Variants in COL22A1 observed in about 807,000 individuals in gnomAD.
COL22A1 encodes collagen alpha-1(XXII) chain.
A neutral mutation model predicts 248.9 loss-of-function variants in COL22A1; 221 were observed. The ratio of observed to expected loss-of-function variants is 0.89; its 90% CI spans 0.80 to 0.99. The LOEUF is 0.99. Ranked by LOEUF, COL22A1 falls within the 50% of genes least tolerant of loss-of-function variation. COL22A1 has a pLI of 0.00. For missense variants in COL22A1, 2,240 were observed against 2,179.0 expected (o/e 1.03, Z -0.56); for synonymous variants, 891 against 793.4 (o/e 1.12, Z -2.07).
intron 23 of COL22A1, among the ~76,000 whole-genome samples, chr8:138,735,145 G>A (rs1831010310): frequency 6.6e-6 from 1 of 152,166 alleles, no homozygotes; most frequent in South Asian, 2.1e-4. Flanking sequence ...TAACAAACCT[G>A]CACGTTCTGC....
chr8:138,797,000 C>G (rs1455293512), intron 11 of COL22A1, 143 bp from the exon 12 acceptor site: 3 of 695,916 alleles, frequency 4.3e-6, no homozygotes, highest in Non-Finnish European at 7.9e-6. Flanking sequence ...GAAATGGTGA[C>G]TATTGTTAAC....
intron 16 of COL22A1, among the ~76,000 whole-genome samples, chr8:138,771,557 C>T (rs1414744660): frequency 6.6e-6 from 1 of 152,202 alleles, no homozygotes; most frequent in African/African-American, 2.4e-5. Flanking sequence ...TAAAGCAAGA[C>T]TCCAAAAGCT....
At chr8:138,714,666 C>T (rs1829294630) in intron 30 of COL22A1, among the ~76,000 whole-genome samples, 1 of 152,204 alleles carries the variant, frequency 6.6e-6, no homozygotes, top group Non-Finnish European at 1.5e-5. Context: ...TTCTCTTCCA[C>T]TGTCCATTTT....
At chr8:138,811,670 G>A (rs1303509292) in intron 9 of COL22A1, 129 bp downstream of exon 9, 3 of 1,033,008 alleles carry the variant, frequency 2.9e-6, no homozygotes, top group African/African-American at 3.1e-5. Context: ...GCACAACACA[G>A]GGTGCTGTCA....
chr8:138,836,550 A>G (rs926280903), intron 4 of COL22A1, among the ~76,000 whole-genome samples: 2 of 152,018 alleles, frequency 1.3e-5, no homozygotes, highest in Admixed American at 1.3e-4. Context: ...GAACATGATC[A>G]CTCCTCTAAA....
In COL22A1 at chr8:138,683,292, T is replaced by C. The variant is rs375164707; in HGVS notation, c.3012+1133A>G. 6.2e-4 allele frequency among the ~76,000 whole-genome samples: 95 copies of C among 152,314 alleles called. 1 individual carries two copies. In the South Asian group the frequency reaches 0.015, roughly 23 times the overall value. ...TGCAGTATATAAAGTAATGAATGCATTGGTAATTGATTGGTAATTGATGCG... is the reference window on the plus strand; with the variant it reads ...TGCAGTATATAAAGTAATGAATGCACTGGTAATTGATTGGTAATTGATGCG... On this transcript the variant is annotated intron_variant, in intron 39 of 64. Coordinates refer to ENST00000303045, the MANE Select transcript of COL22A1 (RefSeq NM_152888.3).
intron 45 of COL22A1, among the ~76,000 whole-genome samples, chr8:138,650,440 A>G (rs997999219): frequency 8.5e-5 from 13 of 152,160 alleles, no homozygotes; most frequent in South Asian, 6.2e-4. Context: ...AAGTCCTCTG[A>G]GCCCAGAGCA....
At chr8:138,636,847 A>T in intron 47 of COL22A1, 52 bp from the exon 48 acceptor site, 1 of 1,443,990 alleles carries the variant, frequency 6.9e-7, no homozygotes, top group Non-Finnish European at 9.7e-7. Context: ...TTTAATAGGA[A>T]AACAAAAATC....
intron 42 of COL22A1, 149 bp from the exon 43 acceptor site, chr8:138,662,232 A>C: frequency 3.2e-6 from 2 of 629,892 alleles, no homozygotes; most frequent in Non-Finnish European, 5.6e-6. Context: ...CACCCTGCTC[A>C]GAGCTTACTC....
At chr8:138,866,979 C>T (rs1248801109) in intron 3 of COL22A1, among the ~76,000 whole-genome samples, 1 of 152,178 alleles carries the variant, frequency 6.6e-6, no homozygotes, top group African/African-American at 2.4e-5. Context: ...AATGTCCTAT[C>T]CAAGGGCACC....
At chr8:138,737,162 AG>A in intron 23 of COL22A1, among the ~76,000 whole-genome samples, 1 of 152,312 alleles carries the variant, frequency 6.6e-6, no homozygotes, top group Non-Finnish European at 1.5e-5. Context: ...CCTGGCTGGC[AG>A]TGCCTTGTCT....
At chr8:138,673,346 A>G (rs571604185) in intron 41 of COL22A1, among the ~76,000 whole-genome samples, 1 of 151,964 alleles carries the variant, frequency 6.6e-6, no homozygotes, top group African/African-American at 2.4e-5. Context: ...AGTAGCTGAG[A>G]TTACAGGCAT....
intron 41 of COL22A1, among the ~76,000 whole-genome samples, chr8:138,670,798 A>C (rs2130766396): frequency 6.6e-6 from 1 of 151,784 alleles, no homozygotes. Context: ...CATCTCTATA[A>C]AAAAACACAA....
Position 138,591,429 on chromosome 8 carries a change from A to AT in COL22A1, c.4687dup (p.Ile1563AsnfsTer12), listed in dbSNP as rs751145586. On this transcript the variant is annotated frameshift_variant, in exon 64 of 65. Coordinates refer to ENST00000303045, the MANE Select transcript of COL22A1 (RefSeq NM_152888.3). LOFTEE classifies it high-confidence loss of function. ...GACTGCAGAATGAGTCATACCTGGG[A>AT]TTCCAGGGGGTCCCATCTCGCCTCG... 6.3e-7 allele frequency: 1 copy of AT among 1,580,214 alleles called. No homozygotes were observed.
chr8:138,819,296 G>C (rs181187301), intron 7 of COL22A1, among the ~76,000 whole-genome samples: 3 of 152,124 alleles, frequency 2.0e-5, no homozygotes, highest in Admixed American at 2.0e-4. Flanking sequence ...TAAGCAATTA[G>C]TATACAAAAT....
At chr8:138,777,525 C>T (rs889939308) in intron 15 of COL22A1, among the ~76,000 whole-genome samples, 23 of 152,138 alleles carry the variant, frequency 1.5e-4, no homozygotes, top group African/African-American at 5.6e-4. Flanking sequence ...CCTTGCCCAC[C>T]ACCCCCCAAC....
At chr8:138,766,963 A>C (rs947615963) in intron 16 of COL22A1, among the ~76,000 whole-genome samples, 2 of 152,168 alleles carry the variant, frequency 1.3e-5, no homozygotes, top group African/African-American at 4.8e-5. Context: ...CTGCAGACTG[A>C]GAGTGAGACC....
intron 3 of COL22A1, among the ~76,000 whole-genome samples, chr8:138,848,358 C>T (rs1821395584): frequency 6.6e-6 from 1 of 152,174 alleles, no homozygotes; most frequent in African/African-American, 2.4e-5. Flanking sequence ...TTCCTTCTCA[C>T]CGGAAGCCTA....
chr8:138,855,795 C>T (rs143749097), intron 3 of COL22A1, among the ~76,000 whole-genome samples: 13 of 152,312 alleles, frequency 8.5e-5, no homozygotes, highest in African/African-American at 3.1e-4. Context: ...CCACCCCACA[C>T]CCAGGCAGAG....
Sources: gnomAD v4.1 joint callset for allele counts (sites outside exome capture counted in the v4.1 genomes callset) on GRCh38, gnomAD v4.1.1 for gene constraint, MANE v1.5 for transcripts, NCBI Gene and HGNC (gene_info 2026-07-23, HGNC 2026-07-21) for gene names.